The following ERC2 variants were observed in gnomAD, a reference collection of about 807,000 sequenced individuals.
ERC2 encodes the protein ELKS/RAB6-interacting/CAST family member 2.
A neutral mutation model predicts 114.8 loss-of-function variants in ERC2; 42 were observed. The observed-to-expected ratio is 0.37, with a 90% CI of 0.29 to 0.47. ERC2 has a LOEUF of 0.47. ERC2 is among the 20% of genes least tolerant of loss of function. The pLI, the probability that ERC2 is intolerant of heterozygous loss-of-function variation, is 0.99. For missense variants in ERC2, 939 were observed against 1,150.7 expected (o/e 0.82, Z 2.66); for synonymous variants, 454 against 425.5 (o/e 1.07, Z -0.82).
At chr3:56,190,540 TC>T (rs531962767) in intron 3 of ERC2, among the ~76,000 whole-genome samples, 2 of 152,062 alleles carry the variant, frequency 1.3e-5, no homozygotes, top group Non-Finnish European at 2.9e-5. Flanking sequence ...GCTCAAGCGA[TC>T]CCCCCACCTC....
intron 17 of ERC2, among the ~76,000 whole-genome samples, chr3:55,618,670 C>G (rs969318403): frequency 6.6e-6 from 1 of 152,012 alleles, no homozygotes; most frequent in African/African-American, 2.4e-5. Context: ...CATAGTTCAC[C>G]AAAATGTTAG....
intron 14 of ERC2, among the ~76,000 whole-genome samples, chr3:55,767,483 C>T (rs533959820): frequency 3.5e-4 from 53 of 152,272 alleles, no homozygotes; most frequent in African/African-American, 7.9e-4. Flanking sequence ...TGTGGACAGA[C>T]GCCCAGCTCC....
At chr3:55,866,739 T>G (rs1232458244) in intron 14 of ERC2, among the ~76,000 whole-genome samples, 1 of 152,190 alleles carries the variant, frequency 6.6e-6, no homozygotes, top group African/African-American at 2.4e-5. Flanking sequence ...AATGTCTTCC[T>G]TAATGGCAAC....
In ERC2 at chr3:55,829,009, C is replaced by T. The variant is rs111237758; in HGVS notation, c.2564+59380G>A. The stretch of plus-strand genomic sequence containing the variant: ...AGCTGAGTGTGATGGGACATGCCTG[C>T]AGTCCCAGCTACTCAGGAGGCTAAT... On this transcript the variant is annotated intron_variant, in intron 14 of 17. Transcript: ENST00000288221. 3.3e-3 allele frequency among the ~76,000 whole-genome samples: 501 copies of T among 152,150 alleles called. 4 individuals carry two copies. The highest frequency in any genetic ancestry group is 0.011 in the African/African-American group (475 of 41,528).
intron 3 of ERC2, among the ~76,000 whole-genome samples, chr3:56,235,497 G>C (rs1042269975): frequency 4.6e-5 from 7 of 152,168 alleles, no homozygotes; most frequent in Non-Finnish European, 5.9e-5. Flanking sequence ...TAAAATAAGA[G>C]TTTTCTTGTA....
chr3:56,166,006 A>C (rs1157307060), intron 4 of ERC2, among the ~76,000 whole-genome samples: 1 of 152,072 alleles, frequency 6.6e-6, no homozygotes, highest in East Asian at 1.9e-4. Context: ...TTTACCATTG[A>C]ACATGATATT....
At chr3:56,078,016 G>T (rs1012707997) in intron 7 of ERC2, among the ~76,000 whole-genome samples, 1 of 152,132 alleles carries the variant, frequency 6.6e-6, no homozygotes, top group African/African-American at 2.4e-5. Flanking sequence ...TGCAGCCGGA[G>T]ATTTTAAATG....
At chr3:55,767,124 A>G (rs571331360) in intron 14 of ERC2, among the ~76,000 whole-genome samples, 97 of 152,204 alleles carry the variant, frequency 6.4e-4, no homozygotes, top group Non-Finnish European at 4.1e-4. Context: ...TGGATTTATG[A>G]CTTAAATGGC....
At chr3:56,310,606 T>C (rs1199826584) in intron 2 of ERC2, among the ~76,000 whole-genome samples, 1 of 136,212 alleles carries the variant, frequency 7.3e-6, no homozygotes, top group Non-Finnish European at 1.6e-5. Context: ...CTCTAGTCCT[T>C]GCTACTTTAA....
At chr3:56,460,126 C>A (rs934273096) in intron 1 of ERC2, among the ~76,000 whole-genome samples, 2 of 152,134 alleles carry the variant, frequency 1.3e-5, no homozygotes, top group African/African-American at 4.8e-5. Flanking sequence ...GATGTAGTGG[C>A]CTTGGACTTC....
intron 13 of ERC2, among the ~76,000 whole-genome samples, chr3:55,947,181 G>A (rs866408768): frequency 7.9e-5 from 12 of 152,272 alleles, no homozygotes; most frequent in Admixed American, 1.3e-4. Context: ...CACCTTTACA[G>A]CAGTGTTCAA....
intron 14 of ERC2, among the ~76,000 whole-genome samples, chr3:55,864,122 CACACACAT>C (rs1179225138): frequency 8.7e-6 from 1 of 114,990 alleles, no homozygotes; most frequent in African/African-American, 3.8e-5. Flanking sequence ...TATATATACA[CACACACAT>C]ATATATATAC....
chr3:55,884,828 AG>A (rs1438684072), intron 14 of ERC2, among the ~76,000 whole-genome samples: 1 of 152,128 alleles, frequency 6.6e-6, no homozygotes, highest in African/African-American at 2.4e-5. Flanking sequence ...TCCTTTCAAA[AG>A]CCCCCTTTAG....
chr3:56,285,001 TCTCTCTCTCTCACA>T (rs2054584647), intron 3 of ERC2, among the ~76,000 whole-genome samples: 1 of 111,268 alleles, frequency 9.0e-6, no homozygotes, highest in African/African-American at 3.2e-5. Context: ...TCTCTCTCTC[TCTCTCTCTCTCACA>T]CACACACACA....
At chr3:55,734,492 G>T (rs943575661) in intron 15 of ERC2, among the ~76,000 whole-genome samples, 2 of 152,156 alleles carry the variant, frequency 1.3e-5, no homozygotes, top group African/African-American at 4.8e-5. Flanking sequence ...TCCACTGGAG[G>T]AAAGAAAGTT....
chr3:56,369,748 C>T (rs1371272715), intron 2 of ERC2, among the ~76,000 whole-genome samples: 1 of 151,968 alleles, frequency 6.6e-6, no homozygotes, highest in Non-Finnish European at 1.5e-5. Flanking sequence ...ACAATCTCAG[C>T]TCACTGCAAC....
chr3:56,245,542 A>G (rs920585390), intron 3 of ERC2, among the ~76,000 whole-genome samples: 1 of 151,632 alleles, frequency 6.6e-6, no homozygotes, highest in African/African-American at 2.4e-5. Flanking sequence ...GTGTTAATAG[A>G]TATACACTCT....
At chr3:55,845,498 C>T (rs182449351) in intron 14 of ERC2, among the ~76,000 whole-genome samples, 7,664 of 89,978 alleles carry the variant, frequency 0.085, 278 homozygotes, top group South Asian at 0.2. Flanking sequence ...AGCGAGACTC[C>T]GTCTCAAAAA....
chr3:56,356,906 A>G (rs1252976924), intron 2 of ERC2, among the ~76,000 whole-genome samples: 1 of 152,208 alleles, frequency 6.6e-6, no homozygotes, highest in African/African-American at 2.4e-5. Flanking sequence ...TGAGACTCTA[A>G]GGAAAAGCAT....
Sources: allele counts gnomAD v4.1 joint callset (sites outside exome capture counted in the v4.1 genomes callset), GRCh38; gene constraint gnomAD v4.1.1; transcripts MANE v1.5; gene names NCBI Gene and HGNC (gene_info 2026-07-23, HGNC 2026-07-21).